The following CDK5RAP2 variants were observed in gnomAD, a reference collection of about 807,000 sequenced individuals.
The protein encoded by CDK5RAP2 is CDK5 regulatory subunit-associated protein 2.
CDK5RAP2 carries 147 observed loss-of-function variants against 232.9 expected under a neutral mutation model. The observed-to-expected ratio is 0.63, with a 90% CI of 0.55 to 0.72. The LOEUF is 0.72. Ranked by LOEUF, CDK5RAP2 falls within the 30% of genes least tolerant of loss-of-function variation. The pLI is 0.00. For missense variants in CDK5RAP2, 2,195 were observed against 2,231.5 expected (o/e 0.98, Z 0.33); for synonymous variants, 833 against 833.7 (o/e 1.00, Z 0.01).
chr9:120,470,811 C>T (rs1474943366), intron 16 of CDK5RAP2, among the ~76,000 whole-genome samples: 1 of 113,682 alleles, frequency 8.8e-6, no homozygotes, highest in African/African-American at 3.5e-5. Flanking sequence ...AAGTGGGGGG[C>T]GGGGGGAAGA....
intron 29 of CDK5RAP2, 147 bp downstream of exon 29, chr9:120,411,211 A>G: frequency 1.4e-6 from 1 of 702,472 alleles, no homozygotes; most frequent in East Asian, 2.5e-5. Context: ...AACACCTCAC[A>G]GGGCTGCTGT....
Position 120,439,380 on chromosome 9 carries a change from C to T in CDK5RAP2, c.3722+19G>A, listed in dbSNP as rs375915842. 259 of 1,602,816 alleles carry T rather than the reference C, an allele frequency of 1.6e-4. No individual in the cohort carries two copies. The African/African-American group carries it at 1.9e-3, about 12-fold the overall frequency. On this transcript the variant is annotated intron_variant, in intron 24 of 37. Transcript: ENST00000349780. ...GGGACTACAGGCTTAAACGGGGAGACGGCAGAGGTGGAACGTACCTGGGAG... is the reference window on the plus strand; with the variant it reads ...GGGACTACAGGCTTAAACGGGGAGATGGCAGAGGTGGAACGTACCTGGGAG...
chr9:120,464,474 A>G (rs954422578), intron 18 of CDK5RAP2, among the ~76,000 whole-genome samples: 12 of 152,210 alleles, frequency 7.9e-5, no homozygotes, highest in Admixed American at 5.9e-4. Flanking sequence ...AAATGAATAA[A>G]GACTTTTTTC....
At chr9:120,520,771 CAGATATCTCATGAGATATATCTCAT>C (rs1325825313) in intron 11 of CDK5RAP2, among the ~76,000 whole-genome samples, 1 of 119,902 alleles carries the variant, frequency 8.3e-6, no homozygotes, top group Non-Finnish European at 1.8e-5. Flanking sequence ...AGATATATCT[CAGATATCTCATGAGATATATCTCAT>C]ATATCTCATG....
intron 12 of CDK5RAP2, among the ~76,000 whole-genome samples, chr9:120,507,470 C>T (rs889042556): frequency 6.6e-6 from 1 of 152,148 alleles, no homozygotes; most frequent in Non-Finnish European, 1.5e-5. Flanking sequence ...AGTGGTTTTA[C>T]AAGCCAAATC....
chr9:120,414,425 C>T (rs78616939), intron 28 of CDK5RAP2, among the ~76,000 whole-genome samples: 5,496 of 151,622 alleles, frequency 0.036, 113 homozygotes, highest in African/African-American at 0.058. Flanking sequence ...ATTTACTGCT[C>T]CATGACAAAT....
intron 12 of CDK5RAP2, among the ~76,000 whole-genome samples, chr9:120,492,990 A>T (rs1255323914): frequency 6.6e-6 from 1 of 152,242 alleles, no homozygotes; most frequent in Non-Finnish European, 1.5e-5. Flanking sequence ...TAGTCTCTAA[A>T]CGCCTTTTCC....
chr9:120,481,237 C>G (rs2131584443), intron 14 of CDK5RAP2, among the ~76,000 whole-genome samples: 1 of 152,360 alleles, frequency 6.6e-6, no homozygotes, highest in East Asian at 1.9e-4. Context: ...GGCTTCAAGG[C>G]CCATGCTCTT....
chr9:120,488,316 T>C (rs547558953), intron 13 of CDK5RAP2, among the ~76,000 whole-genome samples: 1 of 152,308 alleles, frequency 6.6e-6, no homozygotes, highest in Admixed American at 6.5e-5. Context: ...TAGAAAGAAC[T>C]AGGAATCAAA....
chr9:120,496,914 C>T (rs1401079642), intron 12 of CDK5RAP2, among the ~76,000 whole-genome samples: 1 of 140,766 alleles, frequency 7.1e-6, no homozygotes, highest in East Asian at 2.3e-4. Context: ...GAGGTGTGCC[C>T]AACAGCTCAT....
chr9:120,503,152 ACT>A (rs2039652997), intron 12 of CDK5RAP2, among the ~76,000 whole-genome samples: 2 of 151,960 alleles, frequency 1.3e-5, no homozygotes, highest in Non-Finnish European at 2.9e-5. Context: ...ACATAAAACC[ACT>A]CTGTGACATA....
rs753134285 is a variant in CDK5RAP2 at position 120,439,487 on chromosome 9, T to C, written c.3634A>G (p.Lys1212Glu). The change falls in exon 24 of 38, where the codon AAG (lysine) becomes GAG (glutamate). Residue 1212 changes from lysine to glutamate, a missense_variant. Coordinates refer to ENST00000349780, the MANE Select transcript of CDK5RAP2 (RefSeq NM_018249.6). The stretch of plus-strand genomic sequence containing the variant: ...TTCAAATTCTGCTCCTTCTGCAGCT[T>C]GTATTCCTGTTCCTCCAGCTGCTGT... ...LKQQLEEQEY[K>E]LQKEQNLNMQ... 4 of 1,614,230 alleles carry C rather than the reference T, an allele frequency of 2.5e-6. No individual in the cohort carries two copies. Among genetic ancestry groups the C allele is most frequent in the Non-Finnish European group, 1.7e-6 (2 of 1,180,022 alleles).
At chr9:120,421,431 T>G (rs2034561325) in intron 26 of CDK5RAP2, among the ~76,000 whole-genome samples, 1 of 152,172 alleles carries the variant, frequency 6.6e-6, no homozygotes, top group Non-Finnish European at 1.5e-5. Context: ...CTTTTAAATT[T>G]GCAAAAGCCC....
rs2033242383 is a variant in CDK5RAP2, at chr9:120,403,801, A to C, written c.5041+235T>G. 1.8e-6 allele frequency: 1 copy of C among 561,822 alleles called. No individual in the cohort carries two copies. Among genetic ancestry groups the C allele is most frequent in the Admixed American group, 3.0e-5 (1 of 33,772 alleles). The allele number at this position is 561,822 out of a possible 1,614,324, so 34.8% of individuals were successfully genotyped here. A position where few individuals can be genotyped will look rare whatever the true frequency, so the allele number is the denominator to read the frequency against. Reference sequence around the variant, plus strand: ...TTGAAAGCCTCACAAAGGTGGTCACAATTTTAATCTAAGGCAAGAGGGACC... The same window carrying C: ...TTGAAAGCCTCACAAAGGTGGTCACCATTTTAATCTAAGGCAAGAGGGACC... On this transcript the variant is annotated intron_variant, in intron 33 of 37. Coordinates refer to ENST00000349780, the MANE Select transcript of CDK5RAP2 (RefSeq NM_018249.6). The surrounding 1 kb of genome is among the most constrained non-coding windows in gnomAD (Gnocchi z 4.2).
chr9:120,498,756 C>CA, intron 12 of CDK5RAP2, among the ~76,000 whole-genome samples: 1 of 151,950 alleles, frequency 6.6e-6, no homozygotes, highest in Non-Finnish European at 1.5e-5. Flanking sequence ...TGTGGTGACT[C>CA]ACGCCTGTAA....
intron 25 of CDK5RAP2, among the ~76,000 whole-genome samples, chr9:120,430,023 T>C (rs1350220300): frequency 2.0e-5 from 3 of 152,218 alleles, no homozygotes; most frequent in Admixed American, 1.3e-4. Flanking sequence ...GGATTCCCTA[T>C]TTAATAAATG....
At chr9:120,399,848 C>A (rs929512387) in intron 35 of CDK5RAP2, among the ~76,000 whole-genome samples, 1 of 152,136 alleles carries the variant, frequency 6.6e-6, no homozygotes, top group African/African-American at 2.4e-5. Flanking sequence ...CCCAGGATCC[C>A]AAAAGTGAAA....
chr9:120,471,976 G>GT, intron 15 of CDK5RAP2, 98 bp from the exon 16 acceptor site: 13 of 1,489,394 alleles, frequency 8.7e-6, no homozygotes, highest in Admixed American at 1.7e-5. Flanking sequence ...TGTCATTTGT[G>GT]TTTTTTTCTG....
At position 120,576,308 on chromosome 9, in the gene CDK5RAP2, C is replaced by T. The variant is rs376144499; in HGVS notation, c.59+3612G>A. Among the ~76,000 whole-genome samples, 46 of 152,214 alleles carry T rather than the reference C, an allele frequency of 3.0e-4. No individual in the cohort carries two copies. The East Asian group carries it at 4.2e-3, about 14-fold the overall frequency. ...AATATATTCACGTTTTTTAAATGGA[C>T]GATGGATTTGAATACACATTTCTCC... is the stretch of plus-strand genomic sequence containing the variant. On this transcript the variant is annotated intron_variant, in intron 1 of 37. Transcript: ENST00000349780.
Sources: gnomAD v4.1 joint callset for allele counts (sites outside exome capture counted in the v4.1 genomes callset) on GRCh38, gnomAD v4.1.1 for gene constraint, Gnocchi (gnomAD v3.1) non-coding constraint, MANE v1.5 for transcripts, NCBI Gene and HGNC (gene_info 2026-07-23, HGNC 2026-07-21) for gene names.